The following CAMKMT variants were observed in gnomAD, a reference collection of about 807,000 sequenced individuals.
CAMKMT encodes CaM KMT.
In CAMKMT, 53 loss-of-function variants were observed where a neutral mutation model predicts 48.0. That is an observed-to-expected ratio of 1.10 (90% confidence interval 0.89 to 1.39). The LOEUF is 1.39. Ranked by LOEUF, CAMKMT falls within the 40% of genes most tolerant of loss-of-function variation. The pLI is 0.00. For synonymous variants in CAMKMT, 165 were observed against 152.3 expected, an observed-to-expected ratio of 1.08 and a Z score of -0.61; for missense variants, 428 against 402.7, an observed-to-expected ratio of 1.06 and a Z score of -0.54.
rs868149305 is a variant in CAMKMT at position 44,654,921 on chromosome 2, A to G, written c.377-49362A>G. The stretch of plus-strand genomic sequence containing the variant: ...ATGGTTGCAGAGTATCCTGTTATGT[A>G]CATGTACCATAATTTGTCTAACTAA... On this transcript the variant is annotated intron_variant, in intron 3 of 10. Transcript: ENST00000378494. 7.2e-5 allele frequency among the ~76,000 whole-genome samples: 11 copies of G among 152,338 alleles called. 1 individual carries two copies. In the Middle Eastern group the frequency reaches 0.01, roughly 141 times the overall value.
intron 3 of CAMKMT, among the ~76,000 whole-genome samples, chr2:44,644,152 AT>A (rs1477463427): frequency 6.6e-6 from 1 of 152,212 alleles, no homozygotes; most frequent in African/African-American, 2.4e-5. Context: ...AGGAATCTGA[AT>A]CCAGTCTTGA....
At chr2:44,424,048 A>G (rs1684106132) in intron 3 of CAMKMT, among the ~76,000 whole-genome samples, 1 of 152,138 alleles carries the variant, frequency 6.6e-6, no homozygotes, top group Admixed American at 6.5e-5. Context: ...AACTATGCAA[A>G]TTACATTCAT....
chr2:44,603,393 A>T (rs1250787533), intron 3 of CAMKMT, among the ~76,000 whole-genome samples: 6 of 152,136 alleles, frequency 3.9e-5, no homozygotes, highest in Non-Finnish European at 7.4e-5. Flanking sequence ...CTGGACCCCC[A>T]ACCTATATTT....
intron 7 of CAMKMT, among the ~76,000 whole-genome samples, chr2:44,729,766 A>G (rs343969): frequency 0.19 from 28,403 of 152,042 alleles, 2,731 homozygotes; most frequent in South Asian, 0.23. Context: ...AGAAAGGGAA[A>G]TATTTGATGA....
chr2:44,609,658 A>G (rs977209248), intron 3 of CAMKMT, among the ~76,000 whole-genome samples: 1 of 152,254 alleles, frequency 6.6e-6, no homozygotes, highest in Admixed American at 6.5e-5. Flanking sequence ...ATTTTATAGG[A>G]TTTGATTTCT....
chr2:44,650,010 C>T (rs1278972175), intron 3 of CAMKMT, among the ~76,000 whole-genome samples: 1 of 152,180 alleles, frequency 6.6e-6, no homozygotes, highest in Non-Finnish European at 1.5e-5. Context: ...TCCATAATTC[C>T]TATCTGGTTT....
At chr2:44,428,632 G>C (rs1380558996) in intron 3 of CAMKMT, among the ~76,000 whole-genome samples, 3 of 152,190 alleles carry the variant, frequency 2.0e-5, no homozygotes, top group Non-Finnish European at 4.4e-5. Context: ...AGTTAACATA[G>C]TCCAAGGTTT....
chr2:44,478,248 T>C (rs549422408), intron 3 of CAMKMT, among the ~76,000 whole-genome samples: 1 of 152,356 alleles, frequency 6.6e-6, no homozygotes, highest in East Asian at 1.9e-4. Context: ...TGCTTTTTCA[T>C]GGCTTTGAAT....
At chr2:44,402,740 G>GTTTTTTTTTTTTTTTTTTTCTTTT in intron 3 of CAMKMT, among the ~76,000 whole-genome samples, 1 of 94,104 alleles carries the variant, frequency 1.1e-5, no homozygotes, top group African/African-American at 4.1e-5. Context: ...TTGTTTTGCT[G>GTTTTTTTTTTTTTTTTTTTCTTTT]TTTTTTTTTT....
chr2:44,556,027 G>A (rs931829789), intron 3 of CAMKMT, among the ~76,000 whole-genome samples: 2 of 152,100 alleles, frequency 1.3e-5, no homozygotes, highest in Non-Finnish European at 2.9e-5. Flanking sequence ...CAAGACATGG[G>A]GCAGCAGAAA....
chr2:44,498,380 CT>C (rs1310280102), intron 3 of CAMKMT, among the ~76,000 whole-genome samples: 1 of 152,108 alleles, frequency 6.6e-6, no homozygotes, highest in African/African-American at 2.4e-5. Flanking sequence ...GTAAAACAAG[CT>C]ATTTATTAAC....
chr2:44,691,951 T>C (rs1573089795), intron 3 of CAMKMT, among the ~76,000 whole-genome samples: 1 of 152,266 alleles, frequency 6.6e-6, no homozygotes, highest in Non-Finnish European at 1.5e-5. Flanking sequence ...GCTCCACAAA[T>C]ATAGGGAGGC....
chr2:44,724,692 T>C (rs1678680557), intron 7 of CAMKMT, among the ~76,000 whole-genome samples: 2 of 152,232 alleles, frequency 1.3e-5, no homozygotes. Context: ...GGACTCTGAA[T>C]TTCTATGGTA....
intron 7 of CAMKMT, among the ~76,000 whole-genome samples, chr2:44,738,526 T>C (rs1199439338): frequency 1.3e-5 from 2 of 152,212 alleles, no homozygotes; most frequent in Non-Finnish European, 2.9e-5. Flanking sequence ...GCCTTCTGTG[T>C]GCCAGGCACT....
intron 3 of CAMKMT, among the ~76,000 whole-genome samples, chr2:44,438,613 C>A (rs1180683047): frequency 6.6e-6 from 1 of 152,120 alleles, no homozygotes; most frequent in East Asian, 1.9e-4. Flanking sequence ...AAGATATGAT[C>A]CCTACCTGTC....
At chr2:44,532,778 A>G (rs1265844937) in intron 3 of CAMKMT, among the ~76,000 whole-genome samples, 2 of 151,890 alleles carry the variant, frequency 1.3e-5, no homozygotes, top group Admixed American at 6.6e-5. Flanking sequence ...ATGTTAAACA[A>G]TTTTACTTTT....
chr2:44,491,496 G>A (rs1026413870), intron 3 of CAMKMT, among the ~76,000 whole-genome samples: 1 of 151,988 alleles, frequency 6.6e-6, no homozygotes, highest in Non-Finnish European at 1.5e-5. Flanking sequence ...AGAAAATACC[G>A]AAAACAGGGT....
At chr2:44,603,071 CAT>C (rs1233489118) in intron 3 of CAMKMT, among the ~76,000 whole-genome samples, 2 of 151,864 alleles carry the variant, frequency 1.3e-5, no homozygotes, top group Non-Finnish European at 2.9e-5. Flanking sequence ...GATACACACA[CAT>C]ATATATATGT....
Position 44,652,513 on chromosome 2 carries a change from T to G in CAMKMT, c.377-51770T>G, listed in dbSNP as rs76291858. ...GGTCTCCACAGGTAAAGCTTGATTATGCCTCTATGGTTGACTAGGCTTTGA... is the reference window on the plus strand; with the variant it reads ...GGTCTCCACAGGTAAAGCTTGATTAGGCCTCTATGGTTGACTAGGCTTTGA... On this transcript the variant is annotated intron_variant, in intron 3 of 10. Transcript: ENST00000378494. Among the ~76,000 whole-genome samples the G allele has an allele frequency of 1.7e-3, 254 of 152,346 alleles. 1 individual carries two copies. The highest frequency in any genetic ancestry group is 5.8e-3 in the African/African-American group (243 of 41,586).
Sources: allele counts gnomAD v4.1 joint callset (sites outside exome capture counted in the v4.1 genomes callset), GRCh38; gene constraint gnomAD v4.1.1; transcripts MANE v1.5; gene names NCBI Gene and HGNC (gene_info 2026-07-23, HGNC 2026-07-21).